TAFA2: variants seen among roughly 807,000 people sequenced by gnomAD.
TAFA2 encodes the protein chemokine-like protein TAFA-2.
In TAFA2, 7 loss-of-function variants were observed where a neutral mutation model predicts 18.8. That is an observed-to-expected ratio of 0.37 (90% CI 0.21 to 0.70). TAFA2 has a LOEUF of 0.70. Ranked by LOEUF, TAFA2 falls within the 30% of genes least tolerant of loss-of-function variation. TAFA2 has a pLI of 0.53. For missense variants in TAFA2, 122 were observed against 158.1 expected, an observed-to-expected ratio of 0.77 and a Z score of 1.23; for synonymous variants, 60 against 54.2, an observed-to-expected ratio of 1.11 and a Z score of -0.47.
chr12:62,181,215 C>A (rs1455273110), intron 1 of TAFA2, among the ~76,000 whole-genome samples: 1 of 152,124 alleles, frequency 6.6e-6, no homozygotes, highest in Non-Finnish European at 1.5e-5. Flanking sequence ...AATGACACTT[C>A]TTCACAGAAT....
At chr12:61,924,117 T>C (rs1877176624) in intron 1 of TAFA2, among the ~76,000 whole-genome samples, 1 of 151,728 alleles carries the variant, frequency 6.6e-6, no homozygotes, top group Non-Finnish European at 1.5e-5. Flanking sequence ...GTTTCATTGG[T>C]GTACCTGAAA....
At chr12:61,891,375 A>C (rs1320914094) in intron 1 of TAFA2, among the ~76,000 whole-genome samples, 2 of 152,158 alleles carry the variant, frequency 1.3e-5, no homozygotes, top group African/African-American at 2.4e-5. Flanking sequence ...GGCTGCGCGC[A>C]GTGGCTCATG....
intron 1 of TAFA2, among the ~76,000 whole-genome samples, chr12:61,896,894 C>T (rs577616593): frequency 6.6e-6 from 1 of 152,100 alleles, no homozygotes; most frequent in African/African-American, 2.4e-5. Context: ...ATTTGTGATA[C>T]AAATAGCAAA....
intron 1 of TAFA2, among the ~76,000 whole-genome samples, chr12:62,058,755 G>C (rs1882255901): frequency 1.3e-5 from 2 of 152,190 alleles, no homozygotes; most frequent in Non-Finnish European, 2.9e-5. Flanking sequence ...GAGTCCAAGA[G>C]TTTGAGACCA....
At chr12:62,227,987 G>T (rs576766758) in intron 1 of TAFA2, among the ~76,000 whole-genome samples, 1 of 152,004 alleles carries the variant, frequency 6.6e-6, no homozygotes, top group Admixed American at 6.5e-5. Context: ...TTATGTGGGT[G>T]CCATGTTGTT....
intron 2 of TAFA2, among the ~76,000 whole-genome samples, chr12:61,842,440 C>CT (rs766908457): frequency 5.3e-5 from 8 of 151,658 alleles, no homozygotes; most frequent in Non-Finnish European, 1.2e-4. Flanking sequence ...TTTGAAATGT[C>CT]TGACATTTTC....
chr12:62,019,643 G>A (rs11835202), intron 1 of TAFA2, among the ~76,000 whole-genome samples: 1 of 146,344 alleles, frequency 6.8e-6, no homozygotes, highest in African/African-American at 2.6e-5. Flanking sequence ...ACACAGGAAG[G>A]GGAACATCAC....
chr12:62,002,713 C>T (rs1286162166), intron 1 of TAFA2, among the ~76,000 whole-genome samples: 1 of 152,104 alleles, frequency 6.6e-6, no homozygotes, highest in Non-Finnish European at 1.5e-5. Flanking sequence ...ACACTCTGGC[C>T]CCTTCCTGAA....
intron 4 of TAFA2, among the ~76,000 whole-genome samples, chr12:61,727,325 C>T (rs1267665865): frequency 1.3e-5 from 2 of 151,078 alleles, no homozygotes; most frequent in South Asian, 2.1e-4. Flanking sequence ...TTTATAAATT[C>T]AGCTGTGAAT....
At chr12:61,990,337 A>ATTTTTTTTTTT (rs71083969) in intron 1 of TAFA2, among the ~76,000 whole-genome samples, 2 of 108,226 alleles carry the variant, frequency 1.8e-5, no homozygotes, top group Non-Finnish European at 3.4e-5. Flanking sequence ...CACTGTGCCA[A>ATTTTTTTTTTT]TTTTTTTTTT....
chr12:62,051,246 A>G lies in TAFA2; in HGVS notation c.-2+140013T>C, dbSNP rs12579502. On this transcript the variant is annotated intron_variant, in intron 1 of 4. Transcript: ENST00000416284. ...ATCTTCAACCCAGTGAGGCATACAG[A>G]TTGGTCCTTACTCCTCCTCCTCCTG... Among the ~76,000 whole-genome samples, 23 of 152,292 alleles carry G rather than the reference A, an allele frequency of 1.5e-4. No individual in the cohort carries two copies. In the East Asian group the frequency reaches 4.4e-3, roughly 29 times the overall value.
chr12:62,059,891 A>G (rs1346710308), intron 1 of TAFA2, among the ~76,000 whole-genome samples: 7 of 151,976 alleles, frequency 4.6e-5, no homozygotes, highest in African/African-American at 1.2e-4. Flanking sequence ...TTGAACTTTT[A>G]TTTCTTCCTA....
chr12:61,942,502 T>C (rs1878078955), intron 1 of TAFA2, among the ~76,000 whole-genome samples: 1 of 145,474 alleles, frequency 6.9e-6, no homozygotes, highest in African/African-American at 2.5e-5. Flanking sequence ...ATCAAATTAC[T>C]CTGAGCTATG....
intron 1 of TAFA2, among the ~76,000 whole-genome samples, chr12:61,939,508 T>TA (rs577514239): frequency 2.0e-5 from 3 of 151,402 alleles, no homozygotes; most frequent in South Asian, 4.1e-4. Flanking sequence ...AAAATAAAAA[T>TA]AAAAAAACCT....
At chr12:62,121,453 A>G (rs912097406) in intron 1 of TAFA2, among the ~76,000 whole-genome samples, 6 of 152,220 alleles carry the variant, frequency 3.9e-5, no homozygotes, top group Non-Finnish European at 7.3e-5. Context: ...TCTATTAGTT[A>G]TGAGAAATAA....
intron 1 of TAFA2, among the ~76,000 whole-genome samples, chr12:61,959,860 A>G (rs2136652195): frequency 6.6e-6 from 1 of 151,952 alleles, no homozygotes; most frequent in African/African-American, 2.4e-5. Context: ...CTACTGCATC[A>G]CTATTTTTTT....
At chr12:62,211,873 C>G (rs1391668054) in intron 1 of TAFA2, among the ~76,000 whole-genome samples, 2 of 152,194 alleles carry the variant, frequency 1.3e-5, no homozygotes, top group African/African-American at 4.8e-5. Flanking sequence ...AAATTCCTGA[C>G]TCCTTTCCTG....
chr12:62,009,026 A>G (rs144237982), intron 1 of TAFA2, among the ~76,000 whole-genome samples: 421 of 152,312 alleles, frequency 2.8e-3, no homozygotes, highest in African/African-American at 9.6e-3. Context: ...CCTATTGTAA[A>G]TGTACACACA....
intron 2 of TAFA2, among the ~76,000 whole-genome samples, chr12:61,856,565 A>C (rs1873893377): frequency 6.6e-6 from 1 of 152,048 alleles, no homozygotes; most frequent in Non-Finnish European, 1.5e-5. Flanking sequence ...ATTTGACAAC[A>C]TATATCAAAA....
Sources: allele counts gnomAD v4.1 joint callset (sites outside exome capture counted in the v4.1 genomes callset), GRCh38; gene constraint gnomAD v4.1.1; transcripts MANE v1.5; gene names NCBI Gene and HGNC (gene_info 2026-07-23, HGNC 2026-07-21).